The following ADCY6 variants were observed in gnomAD, a reference collection of about 807,000 sequenced individuals.
ADCY6 encodes the protein adenylate cyclase 6.
A neutral mutation model predicts 111.6 loss-of-function variants in ADCY6; 59 were observed. The observed-to-expected ratio is 0.53, with a 90% CI of 0.43 to 0.66. The LOEUF (loss-of-function observed/expected upper bound fraction) is 0.66. ADCY6 is among the 30% of genes least tolerant of loss of function. The probability of loss-of-function intolerance (pLI) is 0.00; values close to 1 mark genes in which losing one functional copy is unlikely to be tolerated. For missense variants in ADCY6, 1,242 were observed against 1,595.6 expected (o/e 0.78, Z 3.78); for synonymous variants, 576 against 642.9 (o/e 0.90, Z 1.57).
intron 10 of ADCY6, 65 bp downstream of exon 10, chr12:48,775,608 C>T: frequency 6.3e-7 from 1 of 1,590,254 alleles, no homozygotes; most frequent in Non-Finnish European, 8.6e-7. Context: ...AAAGGAGGAT[C>T]TCGGCTCCCC....
rs568826654 is a variant in ADCY6, at chr12:48,775,613, C to T, written c.1832+60G>A. On this transcript the variant is annotated intron_variant, in intron 10 of 21. Transcript: ENST00000357869. The stretch of plus-strand genomic sequence containing the variant: ...AGGTCAGGGAAAAGGAGGATCTCGG[C>T]TCCCCCCAGCCCCATCCCAGGGTGC... 2.5e-6 allele frequency: 4 copies of T among 1,592,536 alleles called. No homozygotes were observed. The Admixed American group carries it at 5.0e-5, about 20-fold the overall frequency.
Position 48,788,702 on chromosome 12 carries a change from CCGGA to C in ADCY6, c.-5+200_-5+203del, listed in dbSNP as rs1376108650. The stretch of plus-strand genomic sequence containing the variant: ...CGGCGGGCGACGGGGGTGGCGAGCG[CCGGA>C]CCTAGGAGTCCTCGATCCCACTGCC... On this transcript the variant is annotated intron_variant, in intron 1 of 21. Transcript: ENST00000357869. Among the ~76,000 whole-genome samples, 35 of 152,178 alleles carry C rather than the reference CCGGA, an allele frequency of 2.3e-4. 1 individual carries two copies. In the East Asian group the frequency reaches 6.6e-3, roughly 29 times the overall value.
chr12:48,772,061 AT>A, intron 18 of ADCY6, 88 bp from the exon 19 acceptor site: 1 of 1,507,440 alleles, frequency 6.6e-7, no homozygotes, highest in Non-Finnish European at 8.9e-7. Flanking sequence ...ATAAGAGGGA[AT>A]CACATAGAGA....
Position 48,767,947 on chromosome 12 carries a change from TC to T in ADCY6, c.*643del, listed in dbSNP as rs1941420281. ...TCTAAGCTGTCAGAGGTCCCTTTGT[TC>T]CCCTTTGGGGACAGATCATGGGACT... On this transcript the variant is annotated 3_prime_UTR_variant, in exon 22 of 22. Transcript: ENST00000357869. The T allele has an allele frequency of 6.5e-6, 1 of 154,230 alleles. No individual in the cohort carries two copies. The highest frequency in any genetic ancestry group is 2.4e-5 in the African/African-American group (1 of 41,430). 9.6% of individuals were successfully genotyped at this position (154,230 alleles called of 1,614,324 possible). A position where few individuals can be genotyped will look rare whatever the true frequency, so the allele number is the denominator to read the frequency against.
Position 48,768,457 on chromosome 12 carries a change from C to T in ADCY6, c.*134G>A. ...CAGACGAGCATGATCCAAGCACAGC[C>T]TGCTGGGATGTTCCCTTTTGTGGTT... On this transcript the variant is annotated 3_prime_UTR_variant, in exon 22 of 22. Transcript: ENST00000357869. The T allele has an allele frequency of 7.6e-7, 1 of 1,307,252 alleles. No homozygotes were observed. Among genetic ancestry groups the T allele is most frequent in the South Asian group, 1.2e-5 (1 of 80,774 alleles). The allele number at this position is 1,307,252 out of a possible 1,614,324, so 81.0% of individuals were successfully genotyped here. A position where few individuals can be genotyped will look rare whatever the true frequency, so the allele number is the denominator to read the frequency against.
rs774225754 is a variant in ADCY6 at position 48,782,669 on chromosome 12, G to A, written c.766C>T (p.Arg256Cys). 6 of 1,597,422 alleles carry A rather than the reference G, an allele frequency of 3.8e-6. No homozygotes were observed. Among genetic ancestry groups the A allele is most frequent in the African/African-American group, 1.3e-5 (1 of 74,674 alleles). ...VYIAYTLLPIRMRAAVLSGLG... is the reference protein window; with the variant it reads ...VYIAYTLLPICMRAAVLSGLG... ...CCGCTGAGGACGGCAGCCCGCATGC[G>A]GATGGGGAGGAGCGTGTAGGCGATG... Residue 256 changes from arginine (R) to cysteine (C), a missense_variant, in exon 2 of 22, where the codon CGC becomes TGC. This residue lies in a region of ADCY6 where 362 missense variants were observed against 377.2 expected (regional missense o/e 0.96). Coordinates refer to ENST00000357869, the MANE Select transcript of ADCY6 (RefSeq NM_015270.5). The surrounding 1 kb of genome is among the most constrained non-coding windows in gnomAD (Gnocchi z 4.3).
rs755947782 is a variant in ADCY6, at chr12:48,772,443, A to T, written c.2658-19T>A. On this transcript the variant is annotated intron_variant, in intron 17 of 21. Transcript: ENST00000357869. Reference sequence around the variant, plus strand: ...AGCTGGACTAAGGATAAGCAGAGACATGCTTGGTGTCTGAAGGAGGCATCT... The same window carrying T: ...AGCTGGACTAAGGATAAGCAGAGACTTGCTTGGTGTCTGAAGGAGGCATCT... 1.2e-6 allele frequency: 2 copies of T among 1,614,180 alleles called. No homozygotes were observed. Among genetic ancestry groups the T allele is most frequent in the Non-Finnish European group, 1.7e-6 (2 of 1,179,998 alleles).
At position 48,774,994 on chromosome 12, in the gene ADCY6, A is replaced by C. The variant is rs1248192160; in HGVS notation, c.2041T>G (p.Cys681Gly). 6.4e-7 allele frequency: 1 copy of C among 1,558,440 alleles called. No individual in the cohort carries two copies. The highest frequency in any genetic ancestry group is 1.2e-5 in the South Asian group (1 of 84,410). ...AYVACALLVF[C>G]FICFIQLLIF... The stretch of plus-strand genomic sequence containing the variant: ...AGAAGCTGGATGAAGCAGATGAAGC[A>C]GAAGACCAACAGGGCACAGGCAACG... Residue 681 changes from cysteine to glycine, a missense_variant, in exon 12 of 22, where the codon TGC becomes GGC. By Grantham distance (159) the Cys-to-Gly change is radical. Around this residue, in one of 4 missense-constraint regions of ADCY6, gnomAD observed 375 missense variants for 432.5 expected, o/e 0.87. Coordinates refer to ENST00000357869, the MANE Select transcript of ADCY6 (RefSeq NM_015270.5).
At chr12:48,770,382 C>T (rs892484564) in intron 20 of ADCY6, among the ~76,000 whole-genome samples, 1 of 152,104 alleles carries the variant, frequency 6.6e-6, no homozygotes, top group Non-Finnish European at 1.5e-5. Context: ...TCCCATCCAC[C>T]AGTTCATTTG....
At position 48,775,390 on chromosome 12, in the gene ADCY6, G is replaced by A. The variant is rs1941668773; in HGVS notation, c.1893C>T (p.Ala631=). The A allele has an allele frequency of 6.2e-7, 1 of 1,614,190 alleles. No homozygotes were observed. Among genetic ancestry groups the A allele is most frequent in the Non-Finnish European group, 8.5e-7 (1 of 1,180,034 alleles). Residue 631 remains alanine (A), a synonymous_variant, in exon 11 of 22, where the codon GCC becomes GCT. Transcript: ENST00000357869. ...GCTGATCAATGCTGCGGGCATCGAT[G>A]GCACGGCTCAGGAACTCATCCACCT... is the stretch of plus-strand genomic sequence containing the variant. ...EDEVDEFLSR[A]IDARSIDQLR... is the part of the protein sequence containing the mutation.
Position 48,777,458 on chromosome 12 carries a change from C to G in ADCY6, c.1200G>C (p.Leu400=). The change falls in exon 5 of 22, where the codon CTG becomes CTC. Residue 400 remains leucine (L), a synonymous_variant. Coordinates refer to ENST00000357869, the MANE Select transcript of ADCY6 (RefSeq NM_015270.5). The surrounding 1 kb of genome is among the most constrained non-coding windows in gnomAD (Gnocchi z 4.9). ...CAAAGAGCTCATTCAGGGTCATGACCAGCTCCTGCGCAGTGCACTGGGATG... is the reference window on the plus strand; with the variant it reads ...CAAAGAGCTCATTCAGGGTCATGACGAGCTCCTGCGCAGTGCACTGGGATG... The part of the protein sequence containing the change: ...SLASQCTAQE[L]VMTLNELFAR... 3 of 1,613,280 alleles carry G rather than the reference C, an allele frequency of 1.9e-6. No homozygotes were observed. Among genetic ancestry groups the G allele is most frequent in the South Asian group, 1.1e-5 (1 of 91,078 alleles).
In ADCY6 at chr12:48,777,621, T is replaced by C. The variant is rs781167504; in HGVS notation, c.1130A>G (p.Asn377Ser). ...FHKIYIQKHD[N>S]VSILFADIEG... ...CCTCCTACCCTCACCCTACCTGACA[T>C]TGTCATGCTTCTGTATGTAGATCTT... The change falls in exon 4 of 22, where the codon AAT becomes AGT. Residue 377 changes from asparagine to serine, a missense_variant. By Grantham distance (46) the Asn-to-Ser change is conservative. This residue lies in a region of ADCY6 where 260 missense variants were observed against 414.6 expected (regional missense o/e 0.63). Transcript: ENST00000357869. The surrounding 1 kb of genome is among the most constrained non-coding windows in gnomAD (Gnocchi z 4.9). The C allele has an allele frequency of 9.9e-6, 16 of 1,614,246 alleles. No individual in the cohort carries two copies. Among genetic ancestry groups the C allele is most frequent in the South Asian group, 7.7e-5 (7 of 91,086 alleles).
At position 48,782,156 on chromosome 12, in the gene ADCY6, T is replaced by C. The variant is rs560079701; in HGVS notation, c.864+415A>G. On this transcript the variant is annotated intron_variant, in intron 2 of 21. Transcript: ENST00000357869. The surrounding 1 kb of genome is among the most constrained non-coding windows in gnomAD (Gnocchi z 4.3). The stretch of plus-strand genomic sequence containing the variant: ...CAGCGCCTCAGTCTCTGGTGTCAAC[T>C]TGCCTGCTGAGATGCTAAGGCCTGG... Among the ~76,000 whole-genome samples, 1 of 152,224 alleles carries C rather than the reference T, an allele frequency of 6.6e-6. No homozygotes were observed. Among genetic ancestry groups the C allele is most frequent in the Admixed American group, 6.5e-5 (1 of 15,298 alleles).
At chr12:48,773,860 G>A (rs542737203) in intron 15 of ADCY6, 80 bp downstream of exon 15, 49 of 1,552,880 alleles carry the variant, frequency 3.2e-5, no homozygotes, top group East Asian at 2.8e-4. Flanking sequence ...GGTCCCCAGC[G>A]CCCATCACCA....
In ADCY6 at chr12:48,768,945, G is replaced by A. The variant is rs757859415; in HGVS notation, c.3373C>T (p.Arg1125Ter). 19 of 1,611,034 alleles carry A rather than the reference G, an allele frequency of 1.2e-5. No individual in the cohort carries two copies. The highest frequency in any genetic ancestry group is 1.4e-5 in the Non-Finnish European group (17 of 1,178,642). The change falls in exon 21 of 22, where the codon CGA becomes TGA. Residue 1125 changes from arginine to a stop codon, truncating the protein, a stop_gained. Transcript: ENST00000357869. LOFTEE classifies it high-confidence loss of function. Reference sequence around the variant, plus strand: ...GCTCATATCCCCCTCACCTGGATTCGGTCGGGGACCCCCGTGCTGTCCATA... The same window carrying A: ...GCTCATATCCCCCTCACCTGGATTCAGTCGGGGACCCCCGTGCTGTCCATA... Reference protein sequence around the residue: ...SRMDSTGVPDRIQVTTDLYQV... With the variant: ...SRMDSTGVPD
chr12:48,775,939 G>T (rs764632531), intron 9 of ADCY6, 24 bp downstream of exon 9: 3 of 1,584,352 alleles, frequency 1.9e-6, no homozygotes, highest in Non-Finnish European at 2.6e-6. Flanking sequence ...TGAGGCCCTA[G>T]GTCTGGTGCT....
intron 2 of ADCY6, among the ~76,000 whole-genome samples, chr12:48,780,978 A>G (rs1182966048): frequency 6.6e-6 from 1 of 152,180 alleles, no homozygotes; most frequent in African/African-American, 2.4e-5. Flanking sequence ...AGGCGGGTGG[A>G]TCATGAGGTC....
At chr12:48,779,369 T>C (rs12306165) in intron 2 of ADCY6, among the ~76,000 whole-genome samples, 13,482 of 152,154 alleles carry the variant, frequency 0.089, 821 homozygotes, top group African/African-American at 0.18. Flanking sequence ...CTACTATCTA[T>C]CTACTGCATT....
intron 1 of ADCY6, among the ~76,000 whole-genome samples, chr12:48,788,205 C>G (rs755113290): frequency 6.6e-6 from 1 of 152,298 alleles, no homozygotes; most frequent in Non-Finnish European, 1.5e-5. Flanking sequence ...TCTCCCATCC[C>G]CAGTCCTCAC....
Sources: gnomAD v4.1 joint callset for allele counts (sites outside exome capture counted in the v4.1 genomes callset) on GRCh38, gnomAD v4.1.1 for gene constraint, gnomAD v4.1.1 regional missense constraint, Gnocchi (gnomAD v3.1) non-coding constraint, MANE v1.5 for transcripts, NCBI Gene and HGNC (gene_info 2026-07-23, HGNC 2026-07-21) for gene names.